The following ANXA4 variants were observed in gnomAD, a reference collection of about 807,000 sequenced individuals.
ANXA4 encodes 35-beta calcimedin.
ANXA4 carries 39 observed loss-of-function variants against 49.8 expected under a neutral mutation model. The observed-to-expected ratio is 0.78, with a 90% confidence interval of 0.61 to 1.02. The LOEUF is 1.02. ANXA4 is among the 50% of genes least tolerant of loss of function. The pLI is 0.00. For missense variants in ANXA4, 360 were observed against 410.1 expected, an observed-to-expected ratio of 0.88 and a Z score of 1.05; for synonymous variants, 134 against 152.5, an observed-to-expected ratio of 0.88 and a Z score of 0.89.
chr2:69,808,095 C>G, intron 6 of ANXA4, 99 bp downstream of exon 6: 5 of 1,148,740 alleles, frequency 4.4e-6, no homozygotes, highest in Admixed American at 1.9e-5. Flanking sequence ...TTTCACAGAA[C>G]GCTGAGCATG....
At chr2:69,766,644 A>G (rs1050516478) in intron 1 of ANXA4, among the ~76,000 whole-genome samples, 6 of 152,234 alleles carry the variant, frequency 3.9e-5, no homozygotes, top group Non-Finnish European at 7.3e-5. Context: ...TGGCTGCACC[A>G]TAGTTAGACC....
intron 3 of ANXA4, among the ~76,000 whole-genome samples, chr2:69,796,475 G>A (rs1672949619): frequency 6.6e-6 from 1 of 152,242 alleles, no homozygotes; most frequent in Non-Finnish European, 1.5e-5. Context: ...CTTTTTGGCT[G>A]CAGTGAGGGT....
intron 1 of ANXA4, among the ~76,000 whole-genome samples, chr2:69,649,924 ATTTTTTTTTTTTTTTTT>A (rs35212855): frequency 7.7e-5 from 4 of 52,016 alleles, no homozygotes; most frequent in South Asian, 8.1e-4. Context: ...GCCTGGCCTG[ATTTTTTTTTTTTTTTTT>A]TTTTTTTTTT....
At chr2:69,747,666 G>A (rs1670666317) in intron 1 of ANXA4, among the ~76,000 whole-genome samples, 1 of 152,182 alleles carries the variant, frequency 6.6e-6, no homozygotes, top group Admixed American at 6.5e-5. Context: ...ATGAGTTGCA[G>A]TCAAAACTAC....
chr2:69,714,192 T>C (rs1380639247), intron 2 of ANXA4, among the ~76,000 whole-genome samples: 2 of 152,150 alleles, frequency 1.3e-5, no homozygotes, highest in African/African-American at 2.4e-5. Context: ...CCCTAGCTCT[T>C]TCCCACCTCC....
chr2:69,649,595 TTTTC>T (rs1290334190), intron 1 of ANXA4, among the ~76,000 whole-genome samples: 2 of 148,520 alleles, frequency 1.3e-5, no homozygotes, highest in East Asian at 1.9e-4. Context: ...GCTTCTTTGA[TTTTC>T]TTTCTTTTTT....
chr2:69,675,793 G>A (rs2105349636), intron 2 of ANXA4, among the ~76,000 whole-genome samples: 1 of 152,220 alleles, frequency 6.6e-6, no homozygotes, highest in East Asian at 1.9e-4. Context: ...GGAGGCCAAG[G>A]CGGGCAGATC....
chr2:69,667,956 A>G (rs930625185), intron 2 of ANXA4, among the ~76,000 whole-genome samples: 1 of 152,350 alleles, frequency 6.6e-6, no homozygotes, highest in Admixed American at 6.5e-5. Flanking sequence ...ATGCTGAGGC[A>G]GAGATGCACT....
At chr2:69,662,362 G>T (rs1307080828) in intron 2 of ANXA4, among the ~76,000 whole-genome samples, 1 of 151,864 alleles carries the variant, frequency 6.6e-6, no homozygotes, top group East Asian at 1.9e-4. Flanking sequence ...CATTATTTCT[G>T]TTGCATTCTA....
Position 69,802,709 on chromosome 2 carries a change from C to CAAA in ANXA4, c.98-1809_98-1807dup, listed in dbSNP as rs777864730. Among the ~76,000 whole-genome samples the CAAA allele has an allele frequency of 5.7e-4, 70 of 122,140 alleles. 1 individual carries two copies. The highest frequency in any genetic ancestry group is 1.6e-3 in the African/African-American group (54 of 34,326). 80.1% of individuals were successfully genotyped at this position (122,140 alleles called of 152,430 possible). A position where few individuals can be genotyped will look rare whatever the true frequency, so the allele number is the denominator to read the frequency against. ...CTGGCCACAGAGCAAGACTCTGTCTCAAAAAAAAAAAAAAAAATTGAATCT... is the reference window on the plus strand; with the variant it reads ...CTGGCCACAGAGCAAGACTCTGTCTCAAAAAAAAAAAAAAAAAAAATTGAATCT... On this transcript the variant is annotated intron_variant, in intron 3 of 12. Coordinates refer to ENST00000394295, the MANE Select transcript of ANXA4 (RefSeq NM_001153.5).
chr2:69,691,920 C>G (rs535567777), intron 2 of ANXA4, among the ~76,000 whole-genome samples: 2 of 152,288 alleles, frequency 1.3e-5, no homozygotes, highest in African/African-American at 4.8e-5. Context: ...GAGTCTCACT[C>G]TGTCACCCAG....
chr2:69,652,096 T>C (rs1676271061), intron 1 of ANXA4, among the ~76,000 whole-genome samples: 2 of 151,470 alleles, frequency 1.3e-5, no homozygotes, highest in Admixed American at 6.6e-5. Flanking sequence ...CCCTGCAACC[T>C]CTGCCTCCCA....
chr2:69,768,003 A>G (rs1671564163), intron 1 of ANXA4, among the ~76,000 whole-genome samples: 2 of 152,026 alleles, frequency 1.3e-5, no homozygotes, highest in South Asian at 4.1e-4. Flanking sequence ...TCATATAATT[A>G]TACACGTATA....
intron 8 of ANXA4, 51 bp downstream of exon 8, chr2:69,812,760 G>A (rs1673763813): frequency 6.5e-7 from 1 of 1,540,806 alleles, no homozygotes; most frequent in South Asian, 1.1e-5. Flanking sequence ...TTTCGCCAAT[G>A]AGACAGGCCT....
At chr2:69,702,747 A>G (rs1678371853) in intron 2 of ANXA4, among the ~76,000 whole-genome samples, 1 of 152,186 alleles carries the variant, frequency 6.6e-6, no homozygotes, top group South Asian at 2.1e-4. Flanking sequence ...GATCCCAGAC[A>G]TCATCATTTC....
upstream of ANXA4, chr2:69,742,042 A>C (rs1175253874): frequency 1.3e-5 from 2 of 152,196 alleles, no homozygotes; most frequent in Non-Finnish European, 2.9e-5. Context: ...TCTCGTGGGC[A>C]GAGGAACAAC....
chr2:69,644,720 G>A (rs1050248284), exon 1 of ANXA4: 1 of 152,248 alleles, frequency 6.6e-6, no homozygotes, highest in Admixed American at 6.5e-5. Flanking sequence ...CGCTGTGGGT[G>A]CGCATCAAAG....
chr2:69,795,848 A>G (rs148505697), intron 3 of ANXA4, among the ~76,000 whole-genome samples: 54 of 152,328 alleles, frequency 3.5e-4, no homozygotes, highest in Non-Finnish European at 7.2e-4. Flanking sequence ...ATGTGTAAAT[A>G]ATAAGTTCCC....
At chr2:69,671,423 A>G (rs1026137275) in intron 2 of ANXA4, among the ~76,000 whole-genome samples, 4 of 152,230 alleles carry the variant, frequency 2.6e-5, no homozygotes, top group Admixed American at 6.5e-5. Context: ...ATTTTACAGA[A>G]TAAAAAATAT....
Sources: allele counts gnomAD v4.1 joint callset (sites outside exome capture counted in the v4.1 genomes callset), GRCh38; gene constraint gnomAD v4.1.1; transcripts MANE v1.5; gene names NCBI Gene and HGNC (gene_info 2026-07-23, HGNC 2026-07-21).